Variants in CPEB4 observed in about 807,000 individuals in gnomAD.
The protein encoded by CPEB4 is cytoplasmic polyadenylation element-binding protein 4.
CPEB4 carries 12 observed loss-of-function variants against 72.5 expected under a neutral mutation model. The observed-to-expected ratio is 0.17, with a 90% CI of 0.11 to 0.27. The LOEUF (loss-of-function observed/expected upper bound fraction) is 0.27, where lower values mean the gene tolerates loss of function less well. Ranked by LOEUF, CPEB4 falls within the 10% of genes least tolerant of loss-of-function variation. The pLI is 1.00. For synonymous variants in CPEB4, 302 were observed against 326.3 expected, an observed-to-expected ratio of 0.93 and a Z score of 0.80; for missense variants, 614 against 908.5, an observed-to-expected ratio of 0.68 and a Z score of 4.17.
At chr5:173,902,411 T>C (rs1448953410) in intron 1 of CPEB4, among the ~76,000 whole-genome samples, 1 of 152,232 alleles carries the variant, frequency 6.6e-6, no homozygotes, top group African/African-American at 2.4e-5. Flanking sequence ...TACATTCAAT[T>C]AATTACCTTT....
intron 4 of CPEB4, among the ~76,000 whole-genome samples, chr5:173,944,546 T>C (rs949132605): frequency 2.6e-5 from 4 of 152,262 alleles, no homozygotes; most frequent in South Asian, 2.1e-4. Context: ...CAGGCTATAT[T>C]GTTTGATTTT....
At chr5:173,895,126 G>T (rs1021583413) in intron 1 of CPEB4, among the ~76,000 whole-genome samples, 2 of 152,012 alleles carry the variant, frequency 1.3e-5, no homozygotes, top group Non-Finnish European at 1.5e-5. Flanking sequence ...ATTTCAAAAT[G>T]AAGGTCCATA....
rs1756512649 is a variant in CPEB4, at chr5:173,908,181, T to G, written c.1126-2342T>G. Among the ~76,000 whole-genome samples the G allele has an allele frequency of 2.0e-5, 3 of 152,366 alleles. No individual in the cohort carries two copies. In the South Asian group the frequency reaches 6.2e-4, roughly 32 times the overall value. ...TGCAGGTTTTGACTTAATTTAGTGC[T>G]TGAAATGAGGAAGTGTAAACACAGA... On this transcript the variant is annotated intron_variant, in intron 1 of 9. Transcript: ENST00000265085.
At chr5:173,903,575 A>G (rs1408599245) in intron 1 of CPEB4, among the ~76,000 whole-genome samples, 2 of 152,084 alleles carry the variant, frequency 1.3e-5, no homozygotes, top group Non-Finnish European at 2.9e-5. Flanking sequence ...TTTAACAAGA[A>G]CTCCAGGTGA....
chr5:173,906,673 C>G (rs1756447072), intron 1 of CPEB4, among the ~76,000 whole-genome samples: 1 of 152,166 alleles, frequency 6.6e-6, no homozygotes, highest in Non-Finnish European at 1.5e-5. Flanking sequence ...ACCAATTGAA[C>G]AAACTTTGTG....
In CPEB4 at chr5:173,889,920, C is replaced by T. The variant is rs1393824312; in HGVS notation, c.187C>T (p.Pro63Ser). 1.9e-6 allele frequency: 3 copies of T among 1,614,104 alleles called. No individual in the cohort carries two copies. The highest frequency in any genetic ancestry group is 2.5e-6 in the Non-Finnish European group (3 of 1,179,994). The change falls in exon 1 of 10, where the codon CCT becomes TCT. Residue 63 changes from proline to serine, a missense_variant. Pro to Ser is a moderately conservative substitution (Grantham distance 74). This residue lies in a region of CPEB4 where 458 missense variants were observed against 548.6 expected (regional missense o/e 0.83). Coordinates refer to ENST00000265085, the MANE Select transcript of CPEB4 (RefSeq NM_030627.4). Reference sequence around the variant, plus strand: ...CAGTGCTGGGTCAGCTTGGCTTTTTCCTGCTCCAGCTACCCATAACATTCA... The same window carrying T: ...CAGTGCTGGGTCAGCTTGGCTTTTTTCTGCTCCAGCTACCCATAACATTCA... ...GSSAGSAWLF[P>S]APATHNIQDE...
chr5:173,936,290 T>C (rs190541946), intron 3 of CPEB4, among the ~76,000 whole-genome samples: 3 of 152,350 alleles, frequency 2.0e-5, no homozygotes, highest in African/African-American at 7.2e-5. Flanking sequence ...CATCTCTCTA[T>C]GGCTTATAGA....
At chr5:173,954,691 T>G (rs1561634524) in intron 9 of CPEB4, among the ~76,000 whole-genome samples, 1 of 152,158 alleles carries the variant, frequency 6.6e-6, no homozygotes, top group Non-Finnish European at 1.5e-5. Context: ...TGGTTTTTTA[T>G]GCACACTAAA....
chr5:173,943,875 A>G (rs1306077597), intron 4 of CPEB4, among the ~76,000 whole-genome samples: 1 of 152,226 alleles, frequency 6.6e-6, no homozygotes, highest in Admixed American at 6.5e-5. Flanking sequence ...CACTTGAGAT[A>G]CATTTCTAGA....
At chr5:173,909,493 G>A (rs1756562027) in intron 1 of CPEB4, among the ~76,000 whole-genome samples, 1 of 150,590 alleles carries the variant, frequency 6.6e-6, no homozygotes, top group Non-Finnish European at 1.5e-5. Flanking sequence ...CATTATTCCA[G>A]ATTTATTTTT....
At chr5:173,935,401 T>C (rs1040624103) in intron 3 of CPEB4, among the ~76,000 whole-genome samples, 1 of 152,202 alleles carries the variant, frequency 6.6e-6, no homozygotes, top group Non-Finnish European at 1.5e-5. Flanking sequence ...TTATAGTCAT[T>C]GTTTAATTTT....
chr5:173,905,885 C>G (rs1173872877), intron 1 of CPEB4, among the ~76,000 whole-genome samples: 3 of 152,172 alleles, frequency 2.0e-5, no homozygotes, highest in Non-Finnish European at 4.4e-5. Flanking sequence ...GAGATCCAAT[C>G]AAACCACTCC....
chr5:173,945,301 A>G lies in CPEB4; in HGVS notation c.1456+161A>G, dbSNP rs577091388. On this transcript the variant is annotated intron_variant, in intron 5 of 9. Coordinates refer to ENST00000265085, the MANE Select transcript of CPEB4 (RefSeq NM_030627.4). ...CTATCATGGCATATAAGATTAATTC[A>G]TAGAAGGGAGGGGAGCAGAGCTGTG... Among the ~76,000 whole-genome samples the G allele has an allele frequency of 3.3e-5, 5 of 152,272 alleles. No homozygotes were observed. In the South Asian group the frequency reaches 6.2e-4, roughly 19 times the overall value.
chr5:173,948,899 C>T (rs937226455), intron 5 of CPEB4, among the ~76,000 whole-genome samples: 2 of 151,558 alleles, frequency 1.3e-5, no homozygotes, highest in African/African-American at 4.9e-5. Flanking sequence ...AATCACCTAC[C>T]AAAGGCCCCA....
chr5:173,919,375 G>T (rs778994506), intron 2 of CPEB4, among the ~76,000 whole-genome samples: 4 of 152,160 alleles, frequency 2.6e-5, no homozygotes, highest in Non-Finnish European at 5.9e-5. Context: ...GTTTGTCAAT[G>T]ATAAATATTA....
chr5:173,953,389 TAG>T, intron 9 of CPEB4, 117 bp downstream of exon 9: 2 of 733,908 alleles, frequency 2.7e-6, no homozygotes, highest in South Asian at 5.4e-5. Flanking sequence ...ATTTTGCCTA[TAG>T]AGTTAATTAT....
Position 173,951,957 on chromosome 5 carries a change from C to T in CPEB4, c.1780+19C>T. ...CGAGCTGGTATGATTAAACAAACGA[C>T]AAACTCTCTACCCTATAGCGCAAGA... On this transcript the variant is annotated intron_variant, in intron 8 of 9. Transcript: ENST00000265085. The T allele has an allele frequency of 6.8e-7, 1 of 1,466,718 alleles. No homozygotes were observed. The highest frequency in any genetic ancestry group is 9.6e-7 in the Non-Finnish European group (1 of 1,045,618). The allele number at this position is 1,466,718 out of a possible 1,614,324, so 90.9% of individuals were successfully genotyped here. A position where few individuals can be genotyped will look rare whatever the true frequency, so the allele number is the denominator to read the frequency against.
intron 1 of CPEB4, among the ~76,000 whole-genome samples, chr5:173,903,820 G>A (rs1343291816): frequency 6.6e-6 from 1 of 152,176 alleles, no homozygotes; most frequent in Admixed American, 6.6e-5. Flanking sequence ...GCCCTGGCAG[G>A]CAGTATTATT....
At chr5:173,891,892 A>G (rs1259913936) in intron 1 of CPEB4, among the ~76,000 whole-genome samples, 3 of 152,094 alleles carry the variant, frequency 2.0e-5, no homozygotes, top group Admixed American at 1.3e-4. Flanking sequence ...TCCCCATTTT[A>G]CAGATGCAGA....
Sources: allele counts gnomAD v4.1 joint callset (sites outside exome capture counted in the v4.1 genomes callset), GRCh38; gene constraint gnomAD v4.1.1; regional missense constraint gnomAD v4.1.1; transcripts MANE v1.5; gene names NCBI Gene and HGNC (gene_info 2026-07-23, HGNC 2026-07-21).